TNNT2: variants seen among roughly 807,000 people sequenced by gnomAD.
The protein encoded by TNNT2 is troponin T, cardiac muscle.
In TNNT2, 34 loss-of-function variants were observed where a neutral mutation model predicts 62.4. The ratio of observed to expected loss-of-function variants is 0.54; its 90% confidence interval spans 0.41 to 0.72. TNNT2 has a LOEUF of 0.72. Ranked by LOEUF, TNNT2 falls within the 30% of genes least tolerant of loss-of-function variation. The probability of loss-of-function intolerance (pLI) is 0.00; values close to 1 mark genes in which losing one functional copy is unlikely to be tolerated. For synonymous variants in TNNT2, 123 were observed against 127.2 expected, an observed-to-expected ratio of 0.97 and a Z score of 0.22; for missense variants, 275 against 381.9, an observed-to-expected ratio of 0.72 and a Z score of 2.33.
intron 8 of TNNT2, 34 bp from the exon 9 acceptor site, chr1:201,365,704 A>G: frequency 6.2e-7 from 1 of 1,611,200 alleles, no homozygotes. Context: ...CATCAGCCCC[A>G]TTCTGGACCC....
intron 13 of TNNT2, 78 bp from the exon 14 acceptor site, chr1:201,362,100 G>A (rs1053628681): frequency 1.3e-6 from 2 of 1,498,018 alleles, no homozygotes; most frequent in Non-Finnish European, 1.9e-6. Flanking sequence ...ACCCCCTGGG[G>A]GTGGAGCAAG....
intron 8 of TNNT2, chr1:201,365,990 T>C (rs1182055204): frequency 8.1e-7 from 1 of 1,232,228 alleles, no homozygotes; most frequent in Non-Finnish European, 1.0e-6. Context: ...CAACTTGGAA[T>C]CAAAGAAGCT....
intron 8 of TNNT2, 45 bp downstream of exon 8, chr1:201,366,793 C>T: frequency 2.5e-6 from 4 of 1,613,950 alleles, no homozygotes; most frequent in Non-Finnish European, 2.5e-6. Flanking sequence ...ATCCTCTCTC[C>T]CTGAGCCTCT....
chr1:201,367,999 G>A (rs1173995226), intron 6 of TNNT2, among the ~76,000 whole-genome samples, 163 bp downstream of exon 6: 1 of 152,120 alleles, frequency 6.6e-6, no homozygotes, highest in East Asian at 1.9e-4. Flanking sequence ...GAAGCGCTGG[G>A]TCAACGTTTG....
intron 4 of TNNT2, 36 bp downstream of exon 4, chr1:201,371,991 C>T (rs1660674862): frequency 6.2e-7 from 1 of 1,613,878 alleles, no homozygotes; most frequent in Admixed American, 1.7e-5. Context: ...GCTGAGCCTG[C>T]CCCTTTCTGG....
chr1:201,362,930 G>GTCACACAAC (rs1272052860), intron 12 of TNNT2, among the ~76,000 whole-genome samples: 2 of 152,162 alleles, frequency 1.3e-5, no homozygotes, highest in African/African-American at 4.8e-5. Context: ...GTTGCAAAAG[G>GTCACACAAC]TCACACAACT....
Position 201,367,938 on chromosome 1 carries a change from G to A in TNNT2, c.164-132C>T, listed in dbSNP as rs3730235. ...CTCTGTTGGTTTTTGGGGTTACAGA[G>A]CTGTCTCTCACACACACATTCCCCT... On this transcript the variant is annotated intron_variant, in intron 6 of 16. Transcript: ENST00000656932. 89 of 1,157,402 alleles carry A rather than the reference G, an allele frequency of 7.7e-5. 1 individual carries two copies. Among genetic ancestry groups the A allele is most frequent in the South Asian group, 7.3e-4 (60 of 81,698 alleles). The allele number at this position is 1,157,402 out of a possible 1,614,324, so 71.7% of individuals were successfully genotyped here.
rs778928540 is a variant in TNNT2, at chr1:201,359,273, C to T, written c.852-18G>A. 7.0e-5 allele frequency: 113 copies of T among 1,609,252 alleles called. No individual in the cohort carries two copies. Among genetic ancestry groups the T allele is most frequent in the South Asian group, 4.9e-4 (44 of 89,404 alleles). On this transcript the variant is annotated intron_variant, in intron 16 of 16. Transcript: ENST00000656932. ...TCTTGGAGCTGCAGGGGAAGCAGGA[C>T]GCAGTGACATGGAGACACAGGCAGG...
chr1:201,364,436 C>G (rs1021367727), intron 10 of TNNT2, 61 bp from the exon 11 acceptor site: 1 of 1,526,738 alleles, frequency 6.5e-7, no homozygotes, highest in Non-Finnish European at 9.0e-7. Flanking sequence ...ATCGCAGGTA[C>G]AGAAACCTGC....
chr1:201,377,540 T>C, intron 1 of TNNT2, 83 bp downstream of exon 1: 1 of 456,150 alleles, frequency 2.2e-6, no homozygotes, highest in Non-Finnish European at 4.4e-6. Flanking sequence ...AGACTCTGGG[T>C]AAATATGCCA....
intron 2 of TNNT2, 190 bp downstream of exon 2, chr1:201,373,024 C>G (rs1174913477): frequency 9.6e-6 from 7 of 726,320 alleles, no homozygotes; most frequent in Non-Finnish European, 1.8e-5. Context: ...TCGGCCTGTG[C>G]TCTGCCTGGG....
At chr1:201,365,734 G>A (rs1280774546) in intron 8 of TNNT2, 64 bp from the exon 9 acceptor site, 7 of 1,593,662 alleles carry the variant, frequency 4.4e-6, no homozygotes, top group Non-Finnish European at 6.0e-6. Context: ...GGGTGTCCAG[G>A]ACAGGCAGGG....
intron 1 of TNNT2, 72 bp from the exon 2 acceptor site, chr1:201,373,340 G>A (rs554107377): frequency 1.1e-4 from 153 of 1,351,214 alleles, no homozygotes; most frequent in South Asian, 6.6e-4. Context: ...TCTGGCCCCC[G>A]TTGTACAGAG....
At chr1:201,366,593 G>T (rs535199699) in intron 8 of TNNT2, 32 of 1,405,796 alleles carry the variant, frequency 2.3e-5, no homozygotes, top group Non-Finnish European at 2.9e-5. Flanking sequence ...TCCTCTAGAA[G>T]AACATAGCCC....
At chr1:201,367,168 T>C (rs987989229) in intron 7 of TNNT2, 1 of 528,482 alleles carries the variant, frequency 1.9e-6, no homozygotes, top group South Asian at 2.0e-5. Flanking sequence ...TTGCTTCTCT[T>C]GTGCTTCACA....
At position 201,366,736 on chromosome 1, in the gene TNNT2, C is replaced by T. The variant is rs1004576596; in HGVS notation, c.233+102G>A. 5.6e-6 allele frequency: 9 copies of T among 1,608,258 alleles called. No homozygotes were observed. In the Admixed American group the frequency reaches 1.3e-4, roughly 24 times the overall value. ...ACTGTGGTGCTCTGTGCCCACCAAA[C>T]CCCCAGCCCGTGTCCACTGCACCAT... On this transcript the variant is annotated intron_variant, in intron 8 of 16. Coordinates refer to ENST00000656932, the MANE Select transcript of TNNT2 (RefSeq NM_001276345.2).
chr1:201,362,067 C>A (rs1400153597), intron 13 of TNNT2, 45 bp from the exon 14 acceptor site: 1 of 1,600,270 alleles, frequency 6.2e-7, no homozygotes, highest in Non-Finnish European at 8.6e-7. Context: ...ATTGCCCCCT[C>A]CCTGTCCCCT....
intron 12 of TNNT2, chr1:201,363,060 A>C: frequency 1.0e-6 from 1 of 971,760 alleles, no homozygotes; most frequent in African/African-American, 1.8e-5. Context: ...GGGGGGCACC[A>C]TTGGTGCCCC....
chr1:201,364,242 C>A, intron 11 of TNNT2, 56 bp downstream of exon 11: 1 of 1,560,680 alleles, frequency 6.4e-7, no homozygotes, highest in Non-Finnish European at 8.7e-7. Context: ...CCTGGGGGCC[C>A]AGCAGGAGCT....
Sources: allele counts gnomAD v4.1 joint callset (sites outside exome capture counted in the v4.1 genomes callset), GRCh38; gene constraint gnomAD v4.1.1; transcripts MANE v1.5; gene names NCBI Gene and HGNC (gene_info 2026-07-23, HGNC 2026-07-21).